Variants in ZFHX3 observed in about 807,000 individuals in gnomAD.
ZFHX3 encodes zinc finger homeobox protein 3.
ZFHX3 carries 42 observed loss-of-function variants against 279.1 expected under a neutral mutation model. The ratio of observed to expected loss-of-function variants is 0.15; its 90% CI spans 0.12 to 0.19. The LOEUF is 0.19. Among genes scored for constraint, ZFHX3 ranks in the 10% least tolerant of loss-of-function variants. The pLI, the probability that ZFHX3 is intolerant of heterozygous loss-of-function variation, is 1.00. For missense variants in ZFHX3, 4,981 were observed against 4,754.0 expected, an observed-to-expected ratio of 1.05 and a Z score of -1.40; for synonymous variants, 2,293 against 1,957.8, an observed-to-expected ratio of 1.17 and a Z score of -4.52.
At chr16:73,063,164 C>A (rs545330221), upstream of ZFHX3, among the ~76,000 whole-genome samples, 5 of 152,334 alleles carry the variant, frequency 3.3e-5, no homozygotes, top group East Asian at 9.7e-4. Context: ...GAGGCGCCGC[C>A]ACCGGCGGCC....
At chr16:73,072,966 G>A (rs559616195) in intron 8 of ZFHX3, among the ~76,000 whole-genome samples, 1 of 151,710 alleles carries the variant, frequency 6.6e-6, no homozygotes, top group Non-Finnish European at 1.5e-5. Context: ...GCACAATCTC[G>A]GCTCACTGCA....
intron 1 of ZFHX3, among the ~76,000 whole-genome samples, chr16:73,799,681 T>C (rs1026486906): frequency 6.6e-6 from 1 of 152,190 alleles, no homozygotes; most frequent in Non-Finnish European, 1.5e-5. Flanking sequence ...GCTCCAGTTC[T>C]TCCTTGAAAC....
chr16:73,433,160 C>A (rs1306440321), intron 3 of ZFHX3, among the ~76,000 whole-genome samples: 1 of 152,194 alleles, frequency 6.6e-6, no homozygotes, highest in Non-Finnish European at 1.5e-5. Context: ...CTAGGCAGGT[C>A]GGGGCCTGCT....
At chr16:73,113,932 A>T (rs1343622054) in intron 7 of ZFHX3, among the ~76,000 whole-genome samples, 4 of 151,632 alleles carry the variant, frequency 2.6e-5, no homozygotes, top group African/African-American at 7.3e-5. Context: ...AGTAGCTGGG[A>T]CTACAGGCAC....
intron 7 of ZFHX3, among the ~76,000 whole-genome samples, chr16:73,115,463 T>C (rs1231293026): frequency 2.0e-5 from 3 of 151,098 alleles, no homozygotes; most frequent in Admixed American, 6.6e-5. Context: ...GTGGGGAGGA[T>C]TGCTTGAACC....
intron 1 of ZFHX3, among the ~76,000 whole-genome samples, chr16:73,731,724 A>G (rs1281016287): frequency 2.0e-5 from 3 of 152,218 alleles, no homozygotes; most frequent in African/African-American, 7.2e-5. Context: ...GAAAATGCAA[A>G]TGGGACATTA....
intron 5 of ZFHX3, among the ~76,000 whole-genome samples, chr16:73,144,704 A>G (rs77172764): frequency 0.21 from 31,365 of 152,002 alleles, 3,590 homozygotes; most frequent in Admixed American, 0.35. Context: ...ATAATATTCA[A>G]CCCAAGGTGT....
intron 3 of ZFHX3, among the ~76,000 whole-genome samples, chr16:73,344,137 C>T (rs554243341): frequency 1.3e-5 from 2 of 152,234 alleles, no homozygotes; most frequent in South Asian, 2.1e-4. Context: ...ATGGAGAAAC[C>T]TGGCACATAG....
chr16:73,511,591 G>T (rs2019429812), intron 2 of ZFHX3, among the ~76,000 whole-genome samples: 1 of 152,162 alleles, frequency 6.6e-6, no homozygotes. Flanking sequence ...TTGAAAAAAT[G>T]ATAAACTCAG....
chr16:73,001,286 C>A (rs553279033), intron 1 of ZFHX3, among the ~76,000 whole-genome samples: 1 of 152,314 alleles, frequency 6.6e-6, no homozygotes, highest in African/African-American at 2.4e-5. Context: ...CTATCAACAA[C>A]CGTGTGTGTG....
chr16:73,455,450 C>T (rs1482090531), intron 3 of ZFHX3, among the ~76,000 whole-genome samples: 1 of 152,148 alleles, frequency 6.6e-6, no homozygotes, highest in Non-Finnish European at 1.5e-5. Context: ...CCCCAGAGGT[C>T]CCTTTGTTGC....
intron 1 of ZFHX3, among the ~76,000 whole-genome samples, chr16:73,775,553 G>A (rs72803148): frequency 6.6e-6 from 1 of 152,120 alleles, no homozygotes; most frequent in African/African-American, 2.4e-5. Flanking sequence ...TGGTTTGGCC[G>A]TGTGCTGAGC....
At chr16:73,409,506 A>T (rs1409633545) in intron 3 of ZFHX3, among the ~76,000 whole-genome samples, 1 of 152,234 alleles carries the variant, frequency 6.6e-6, no homozygotes, top group African/African-American at 2.4e-5. Context: ...GAAACATTGC[A>T]TACCACTGGT....
At chr16:73,113,135 G>A (rs1437575946) in intron 7 of ZFHX3, among the ~76,000 whole-genome samples, 3 of 151,974 alleles carry the variant, frequency 2.0e-5, no homozygotes, top group African/African-American at 7.3e-5. Context: ...GAGAAGAGGA[G>A]TTAGAGAAAG....
chr16:73,675,179 G>A (rs1374722905), intron 2 of ZFHX3, among the ~76,000 whole-genome samples: 2 of 152,042 alleles, frequency 1.3e-5, no homozygotes, highest in African/African-American at 4.8e-5. Flanking sequence ...TCAGACTTGT[G>A]AGACTTTCCT....
intron 3 of ZFHX3, among the ~76,000 whole-genome samples, chr16:73,331,238 T>C (rs2015797147): frequency 6.6e-6 from 1 of 152,114 alleles, no homozygotes; most frequent in Non-Finnish European, 1.5e-5. Context: ...GAGAACAGCA[T>C]GGAGGAACCG....
intron 2 of ZFHX3, among the ~76,000 whole-genome samples, chr16:73,497,188 G>A (rs2019156284): frequency 6.6e-6 from 1 of 152,200 alleles, no homozygotes; most frequent in South Asian, 2.1e-4. Context: ...GGGGACCCTG[G>A]AGGCTATTCC....
intron 2 of ZFHX3, among the ~76,000 whole-genome samples, chr16:73,577,338 C>T (rs2051810816): frequency 1.3e-5 from 2 of 152,262 alleles, no homozygotes; most frequent in African/African-American, 4.8e-5. Flanking sequence ...TAAAATGGCA[C>T]ACGGTCCTGG....
At chr16:73,237,774 A>G (rs2013001227) in intron 5 of ZFHX3, among the ~76,000 whole-genome samples, 1 of 152,002 alleles carries the variant, frequency 6.6e-6, no homozygotes, top group African/African-American at 2.4e-5. Flanking sequence ...CACTTTGAAA[A>G]TACTTCCTGT....
Sources: gnomAD v4.1 joint callset for allele counts (sites outside exome capture counted in the v4.1 genomes callset) on GRCh38, gnomAD v4.1.1 for gene constraint, MANE v1.5 for transcripts, NCBI Gene and HGNC (gene_info 2026-07-23, HGNC 2026-07-21) for gene names.